Variants in PPFIBP1 observed in about 807,000 individuals in gnomAD.
The protein encoded by PPFIBP1 is PPFIB scaffold protein 1.
PPFIBP1 carries 112 observed loss-of-function variants against 137.8 expected under a neutral mutation model. The ratio of observed to expected loss-of-function variants is 0.81; its 90% CI spans 0.70 to 0.95. PPFIBP1 has a LOEUF of 0.95. PPFIBP1 is among the 40% of genes least tolerant of loss of function. The probability of loss-of-function intolerance (pLI) is 0.00; values close to 1 mark genes in which losing one functional copy is unlikely to be tolerated. For missense variants in PPFIBP1, 1,083 were observed against 1,196.6 expected (o/e 0.91, Z 1.40); for synonymous variants, 378 against 417.3 (o/e 0.91, Z 1.15).
At chr12:27,654,677 G>A in intron 7 of PPFIBP1, 45 bp from the exon 8 acceptor site, 1 of 1,595,340 alleles carries the variant, frequency 6.3e-7, no homozygotes, top group Non-Finnish European at 8.5e-7. Flanking sequence ...ATAGGTAACT[G>A]TGTTACCACT....
chr12:27,685,899 G>A (rs2061174988), intron 24 of PPFIBP1, among the ~76,000 whole-genome samples: 1 of 152,020 alleles, frequency 6.6e-6, no homozygotes, highest in African/African-American at 2.4e-5. Context: ...AAAAAAATTG[G>A]GAAGAAAATC....
At chr12:27,558,256 GT>G (rs11434356) in intron 1 of PPFIBP1, among the ~76,000 whole-genome samples, 121 of 139,382 alleles carry the variant, frequency 8.7e-4, no homozygotes, top group African/African-American at 3.1e-3. Context: ...GACCTTCTGG[GT>G]TTTTTTTTTG....
intron 2 of PPFIBP1, among the ~76,000 whole-genome samples, chr12:27,583,359 G>A (rs2051339722): frequency 6.6e-6 from 1 of 152,204 alleles, no homozygotes; most frequent in South Asian, 2.1e-4. Flanking sequence ...AAGTCCGGAA[G>A]TTGTTTTCCT....
intron 1 of PPFIBP1, among the ~76,000 whole-genome samples, chr12:27,525,374 T>C (rs1565701021): frequency 6.6e-6 from 1 of 152,066 alleles, no homozygotes; most frequent in South Asian, 2.1e-4. Context: ...ACCCTGTCTT[T>C]TTCCTATGTG....
chr12:27,693,451 A>G lies in PPFIBP1; in HGVS notation c.*569A>G, dbSNP rs1057437912. The G allele has an allele frequency of 1.3e-5, 2 of 152,198 alleles. No individual in the cohort carries two copies. The highest frequency in any genetic ancestry group is 2.9e-5 in the Non-Finnish European group (2 of 68,046). 9.4% of individuals were successfully genotyped at this position (152,198 alleles called of 1,614,324 possible). On this transcript the variant is annotated 3_prime_UTR_variant, in exon 30 of 30. Coordinates refer to ENST00000228425, the MANE Select transcript of PPFIBP1 (RefSeq NM_003622.4). The stretch of plus-strand genomic sequence containing the variant: ...TTTGTGACCTAAGGACGATGGTGAA[A>G]AGATCACGTTTTCAAAACAATCTGG...
At chr12:27,690,388 T>G (rs1436657192) in intron 27 of PPFIBP1, among the ~76,000 whole-genome samples, 1 of 152,190 alleles carries the variant, frequency 6.6e-6, no homozygotes, top group Non-Finnish European at 1.5e-5. Flanking sequence ...GATAGCTCAG[T>G]CAGTAGAGCA....
At chr12:27,545,389 A>C (rs75135647) in intron 1 of PPFIBP1, among the ~76,000 whole-genome samples, 5,692 of 152,232 alleles carry the variant, frequency 0.037, 382 homozygotes, top group African/African-American at 0.13. Context: ...TAATAAGAAA[A>C]AAAATAAGCC....
intron 1 of PPFIBP1, among the ~76,000 whole-genome samples, chr12:27,536,062 G>A (rs970137358): frequency 4.6e-5 from 7 of 152,180 alleles, no homozygotes; most frequent in African/African-American, 1.4e-4. Context: ...ATGCAATCAA[G>A]TTCTGGTTCA....
At chr12:27,668,873 T>C (rs1325810030) in intron 13 of PPFIBP1, among the ~76,000 whole-genome samples, 3 of 152,216 alleles carry the variant, frequency 2.0e-5, no homozygotes, top group African/African-American at 7.2e-5. Context: ...TAGTCCATCC[T>C]GAGGTCTTAG....
At chr12:27,593,370 T>C (rs1219281386) in intron 2 of PPFIBP1, 8 of 450,118 alleles carry the variant, frequency 1.8e-5, no homozygotes, top group Admixed American at 1.7e-4. Context: ...GCCTATCCCT[T>C]CCTATCCTAT....
intron 1 of PPFIBP1, among the ~76,000 whole-genome samples, chr12:27,557,315 G>A (rs1409736695): frequency 6.7e-6 from 1 of 150,232 alleles, no homozygotes. Flanking sequence ...GGCTCTCTGC[G>A]AGCTCCACCT....
chr12:27,574,625 T>G (rs1051909057), intron 1 of PPFIBP1, among the ~76,000 whole-genome samples: 10 of 152,210 alleles, frequency 6.6e-5, no homozygotes, highest in African/African-American at 2.4e-4. Context: ...CAGAGGTATA[T>G]TTTACTGGAT....
At chr12:27,651,693 G>A (rs1303206013) in intron 7 of PPFIBP1, among the ~76,000 whole-genome samples, 1 of 152,196 alleles carries the variant, frequency 6.6e-6, no homozygotes. Flanking sequence ...GATATGGATA[G>A]AGGTGGTCTT....
intron 2 of PPFIBP1, among the ~76,000 whole-genome samples, chr12:27,586,924 A>G (rs772093659): frequency 6.6e-6 from 1 of 152,208 alleles, no homozygotes; most frequent in Non-Finnish European, 1.5e-5. Context: ...AAAAGATGGT[A>G]TTTTGAAGGT....
intron 28 of PPFIBP1, 140 bp from the exon 29 acceptor site, chr12:27,692,451 A>G: frequency 1.3e-6 from 1 of 742,742 alleles, no homozygotes; most frequent in Non-Finnish European, 2.3e-6. Flanking sequence ...GTGAAAGGAG[A>G]TTATCACCAG....
chr12:27,688,958 C>T, intron 26 of PPFIBP1, 57 bp from the exon 27 acceptor site: 1 of 1,550,120 alleles, frequency 6.5e-7, no homozygotes. Flanking sequence ...AAGCACAATA[C>T]AAACATGTAT....
At chr12:27,661,495 C>G (rs2059549053) in intron 11 of PPFIBP1, among the ~76,000 whole-genome samples, 1 of 152,072 alleles carries the variant, frequency 6.6e-6, no homozygotes, top group African/African-American at 2.4e-5. Context: ...CCAGTTGGTT[C>G]TTGTTATCCA....
Position 27,692,907 on chromosome 12 carries a change from G to C in PPFIBP1, c.*25G>C, listed in dbSNP as rs1405571760. On this transcript the variant is annotated 3_prime_UTR_variant, in exon 30 of 30. Coordinates refer to ENST00000228425, the MANE Select transcript of PPFIBP1 (RefSeq NM_003622.4). ...ACCGTAGCACCTGGATGAACATTAG[G>C]AGTGCTTAGTCTTTTTTCTACTTGC... is the stretch of plus-strand genomic sequence containing the variant. 2 of 1,613,554 alleles carry C rather than the reference G, an allele frequency of 1.2e-6. No individual in the cohort carries two copies. Among genetic ancestry groups the C allele is most frequent in the South Asian group, 2.2e-5 (2 of 90,948 alleles).
At chr12:27,594,723 A>C (rs544137445) in intron 2 of PPFIBP1, among the ~76,000 whole-genome samples, 1 of 152,244 alleles carries the variant, frequency 6.6e-6, no homozygotes, top group African/African-American at 2.4e-5. Context: ...TATGAAGACA[A>C]AAACAAACAT....
Sources: allele counts gnomAD v4.1 joint callset (sites outside exome capture counted in the v4.1 genomes callset), GRCh38; gene constraint gnomAD v4.1.1; transcripts MANE v1.5; gene names NCBI Gene and HGNC (gene_info 2026-07-23, HGNC 2026-07-21).